DKK3: variants seen among roughly 807,000 people sequenced by gnomAD.
The protein encoded by DKK3 is dickkopf Wnt signaling pathway inhibitor 3.
A neutral mutation model predicts 33.2 loss-of-function variants in DKK3; 22 were observed. The observed-to-expected ratio is 0.66, with a 90% CI of 0.47 to 0.95. The LOEUF (loss-of-function observed/expected upper bound fraction) is 0.95, where lower values mean the gene tolerates loss of function less well. Among genes scored for constraint, DKK3 ranks in the 40% least tolerant of loss-of-function variants. The pLI, the probability that DKK3 is intolerant of heterozygous loss-of-function variation, is 0.00. For synonymous variants in DKK3, 194 were observed against 188.8 expected (o/e 1.03, Z -0.23); for missense variants, 398 against 458.4 (o/e 0.87, Z 1.20).
intron 3 of DKK3, 49 bp downstream of exon 3, chr11:11,998,647 A>G: frequency 6.5e-7 from 1 of 1,544,572 alleles, no homozygotes; most frequent in Non-Finnish European, 9.0e-7. Flanking sequence ...CTGAATGAAA[A>G]TGAAAGTGAG....
rs1848354527 is a variant in DKK3 at position 11,998,729 on chromosome 11, T to A, written c.402A>T (p.Thr134=). The A allele has an allele frequency of 6.2e-7, 1 of 1,614,214 alleles. No homozygotes were observed. The highest frequency in any genetic ancestry group is 8.5e-7 in the Non-Finnish European group (1 of 1,180,034). The stretch of plus-strand genomic sequence containing the variant: ...TTCTGCCTTCTTCGTCTCCCACAGA[T>A]GTGATAACTGTCTCTGAAAAGACCA... ...GQMVFSETVI[T]SVGDEEGRRS... Residue 134 remains threonine (T), a synonymous_variant, in exon 3 of 7, where the codon ACA becomes ACT. Transcript: ENST00000683431.
chr11:11,989,699 T>C (rs117167295), intron 3 of DKK3, among the ~76,000 whole-genome samples: 24 of 152,354 alleles, frequency 1.6e-4, no homozygotes, highest in African/African-American at 4.6e-4. Flanking sequence ...TGTGTCAACA[T>C]TGTTAAGATG....
intron 3 of DKK3, among the ~76,000 whole-genome samples, chr11:11,992,338 A>T (rs1848204415): frequency 6.6e-6 from 1 of 152,228 alleles, no homozygotes; most frequent in Non-Finnish European, 1.5e-5. Context: ...CACACAGCTA[A>T]TAAGCAATAG....
upstream of DKK3, chr11:12,008,836 C>A: frequency 8.6e-7 from 1 of 1,162,948 alleles, no homozygotes; most frequent in East Asian, 4.1e-5. This position sits in a 1 kb window ranked among gnomAD's most constrained non-coding sequence, Gnocchi z 4.6. Flanking sequence ...CCCGCACCCC[C>A]ATCCTCGAGC....
rs760755000 is a variant in DKK3, at chr11:11,965,843, G to A, written c.796C>T (p.Pro266Ser). Residue 266 changes from proline to serine, a missense_variant, in exon 6 of 7, where the codon CCT becomes TCT. Pro to Ser is a moderately conservative substitution (Grantham distance 74). Transcript: ENST00000683431. ...TGGCAGAGGAGGCCACTGGCACAAG[G>A]GCATCGGTCCAAGGCTCCATCAGGC... ...LEPDGALDRCPCASGLLCQPH... is the reference protein window; with the variant it reads ...LEPDGALDRCSCASGLLCQPH... The A allele has an allele frequency of 3.7e-6, 6 of 1,614,164 alleles. No individual in the cohort carries two copies. The Admixed American group carries it at 8.3e-5, about 22-fold the overall frequency.
At chr11:12,007,468 A>C (rs1327370245) in intron 1 of DKK3, among the ~76,000 whole-genome samples, 1 of 152,208 alleles carries the variant, frequency 6.6e-6, no homozygotes, top group African/African-American at 2.4e-5. Context: ...GGCCAGTGAC[A>C]TCTCCTGCCC....
rs144604263 is a variant in DKK3, at chr11:12,007,715, T to C, written c.213+655A>G. ...AGGATATTAAGTGATTTGCCCAATG[T>C]CACCCTGCTACTGAGTGGCAGAGGA... is the stretch of plus-strand genomic sequence containing the variant. On this transcript the variant is annotated intron_variant, in intron 1 of 6. Coordinates refer to ENST00000683431, the MANE Select transcript of DKK3 (RefSeq NM_001018057.2). Among the ~76,000 whole-genome samples the C allele has an allele frequency of 2.8e-3, 431 of 152,322 alleles. 2 individuals are homozygous for C. Among genetic ancestry groups the C allele is most frequent in the Non-Finnish European group, 5.4e-3 (366 of 68,022 alleles).
At chr11:11,976,265 AAGG>A (rs1351692932) in intron 3 of DKK3, among the ~76,000 whole-genome samples, 1 of 152,240 alleles carries the variant, frequency 6.6e-6, no homozygotes, top group Non-Finnish European at 1.5e-5. Context: ...AGACAAGAAG[AAGG>A]AGGACAGTTG....
chr11:11,978,351 C>A (rs1211872758), intron 3 of DKK3, among the ~76,000 whole-genome samples: 1 of 152,096 alleles, frequency 6.6e-6, no homozygotes, highest in Non-Finnish European at 1.5e-5. Context: ...CAGATTCTGG[C>A]CTGTGCTTCA....
chr11:11,976,315 AC>A (rs1351666734), intron 3 of DKK3, among the ~76,000 whole-genome samples: 5 of 152,204 alleles, frequency 3.3e-5, no homozygotes, highest in Non-Finnish European at 7.3e-5. Context: ...TGGGCCAACT[AC>A]CAACAAGGAC....
chr11:11,980,517 A>AT lies in DKK3; in HGVS notation c.436-12031dup, dbSNP rs572745370. On this transcript the variant is annotated intron_variant, in intron 3 of 6. Transcript: ENST00000683431. Reference sequence around the variant, plus strand: ...AGCTCCCAACCTGTTTTCCAGCCTGATTTTTCTGACCTCCCTAGGACCCAG... The same window carrying AT: ...AGCTCCCAACCTGTTTTCCAGCCTGATTTTTTCTGACCTCCCTAGGACCCAG... Among the ~76,000 whole-genome samples, 20 of 152,064 alleles carry AT rather than the reference A, an allele frequency of 1.3e-4. 1 individual carries two copies. The highest frequency in any genetic ancestry group is 3.4e-3 in the Middle Eastern group (1 of 294).
At chr11:11,973,637 G>A (rs1265908734) in intron 3 of DKK3, among the ~76,000 whole-genome samples, 1 of 152,228 alleles carries the variant, frequency 6.6e-6, no homozygotes, top group Non-Finnish European at 1.5e-5. Context: ...TTGTCCCGAG[G>A]AGGGAACTAT....
At chr11:11,972,525 C>T (rs1475482002) in intron 3 of DKK3, among the ~76,000 whole-genome samples, 1 of 152,178 alleles carries the variant, frequency 6.6e-6, no homozygotes, top group African/African-American at 2.4e-5. Flanking sequence ...GCTCTCCATC[C>T]AGTAAAGCTG....
At chr11:11,983,255 G>A (rs1476621892) in intron 3 of DKK3, among the ~76,000 whole-genome samples, 1 of 152,200 alleles carries the variant, frequency 6.6e-6, no homozygotes, top group Non-Finnish European at 1.5e-5. Context: ...AGTAATAAAT[G>A]TGCCAAGTCC....
intron 3 of DKK3, among the ~76,000 whole-genome samples, chr11:11,996,327 C>T (rs1429642842): frequency 2.6e-5 from 4 of 152,222 alleles, no homozygotes; most frequent in East Asian, 1.9e-4. Flanking sequence ...AAAAGAGCTC[C>T]GTGTCTCTGT....
At chr11:12,009,419 G>GCCCACCCC (rs1848613703), upstream of DKK3, 1 of 961,930 alleles carries the variant, frequency 1.0e-6, no homozygotes, top group Non-Finnish European at 1.2e-6. Context: ...CCCCGCGGAG[G>GCCCACCCC]GGCCGCAGCC....
At chr11:11,971,449 C>A (rs1302501774) in intron 3 of DKK3, among the ~76,000 whole-genome samples, 1 of 152,168 alleles carries the variant, frequency 6.6e-6, no homozygotes, top group African/African-American at 2.4e-5. Context: ...GTGGCTGGAA[C>A]ATCATGGGCG....
chr11:11,982,152 C>G (rs1303160531), intron 3 of DKK3, among the ~76,000 whole-genome samples: 1 of 152,124 alleles, frequency 6.6e-6, no homozygotes, highest in Non-Finnish European at 1.5e-5. Flanking sequence ...CTGGGGAGTG[C>G]TGTGGGCGCT....
intron 3 of DKK3, among the ~76,000 whole-genome samples, chr11:11,976,953 G>C (rs1180923251): frequency 6.6e-6 from 1 of 152,140 alleles, no homozygotes; most frequent in Admixed American, 6.5e-5. Context: ...GCCAGCTCAG[G>C]GGGTGGGGGC....
Sources: gnomAD v4.1 joint callset for allele counts (sites outside exome capture counted in the v4.1 genomes callset) on GRCh38, gnomAD v4.1.1 for gene constraint, Gnocchi (gnomAD v3.1) non-coding constraint, MANE v1.5 for transcripts, NCBI Gene and HGNC (gene_info 2026-07-23, HGNC 2026-07-21) for gene names.